The following ADCY10 variants were observed in gnomAD, a reference collection of about 807,000 sequenced individuals.
The protein encoded by ADCY10 is adenylate cyclase 10.
In ADCY10, 156 loss-of-function variants were observed where a neutral mutation model predicts 183.3. The ratio of observed to expected loss-of-function variants is 0.85; its 90% CI spans 0.75 to 0.97. ADCY10 has a LOEUF of 0.97. Among genes scored for constraint, ADCY10 ranks in the 50% least tolerant of loss-of-function variants. ADCY10 has a pLI of 0.00. For missense variants in ADCY10, 1,745 were observed against 1,934.3 expected, an observed-to-expected ratio of 0.90 and a Z score of 1.84; for synonymous variants, 645 against 670.0, an observed-to-expected ratio of 0.96 and a Z score of 0.58.
chr1:167,831,632 C>T (rs1663744334), intron 25 of ADCY10, among the ~76,000 whole-genome samples: 1 of 152,168 alleles, frequency 6.6e-6, no homozygotes, highest in Non-Finnish European at 1.5e-5. Context: ...TCAGTTTTTT[C>T]TTCTTCAACA....
At chr1:167,833,256 A>G (rs1423955469) in intron 24 of ADCY10, 94 bp from the exon 25 acceptor site, 1 of 1,238,762 alleles carries the variant, frequency 8.1e-7, no homozygotes, top group African/African-American at 1.5e-5. Context: ...GGGGATTCTT[A>G]TCAAAAAAGG....
intron 11 of ADCY10, among the ~76,000 whole-genome samples, chr1:167,879,162 G>C (rs895806401): frequency 1.3e-5 from 2 of 152,214 alleles, no homozygotes; most frequent in Non-Finnish European, 2.9e-5. Context: ...TTGAACACCA[G>C]CTCTACCCCT....
intron 14 of ADCY10, among the ~76,000 whole-genome samples, chr1:167,866,431 C>CA (rs139277401): frequency 0.041 from 6,047 of 147,018 alleles, 402 homozygotes; most frequent in East Asian, 0.28. Context: ...ATATCTATTA[C>CA]AAACAACAGC....
At chr1:167,823,495 G>A (rs962701754) in intron 28 of ADCY10, among the ~76,000 whole-genome samples, 18 of 151,338 alleles carry the variant, frequency 1.2e-4, no homozygotes, top group Non-Finnish European at 2.2e-4. Flanking sequence ...GAGGAGGGAA[G>A]TGAGGAATAA....
chr1:167,852,866 G>A (rs1219801491), intron 18 of ADCY10, among the ~76,000 whole-genome samples: 3 of 152,166 alleles, frequency 2.0e-5, no homozygotes, highest in Admixed American at 6.5e-5. Flanking sequence ...GGGGCCACAT[G>A]GTCCTGTAGT....
At chr1:167,851,012 T>G (rs1170352518) in intron 18 of ADCY10, among the ~76,000 whole-genome samples, 4 of 152,186 alleles carry the variant, frequency 2.6e-5, no homozygotes, top group African/African-American at 9.7e-5. Context: ...CAGAATGTAC[T>G]CCCTACTCAG....
intron 16 of ADCY10, among the ~76,000 whole-genome samples, chr1:167,859,389 T>A (rs942322435): frequency 1.3e-5 from 2 of 152,188 alleles, no homozygotes; most frequent in Non-Finnish European, 2.9e-5. Context: ...CGTACTATTA[T>A]TTTCCTCCAT....
Position 167,880,198 on chromosome 1 carries a change from C to T in ADCY10, c.1140-7G>A. Reference sequence around the variant, plus strand: ...AACACCGATGGATACAGTTCTGGTGCAGGGGAGACAAGATTTGTGGGGAAA... The same window carrying T: ...AACACCGATGGATACAGTTCTGGTGTAGGGGAGACAAGATTTGTGGGGAAA... On this transcript the variant is annotated splice_polypyrimidine_tract_variant and splice_region_variant and intron_variant, in intron 10 of 32. Transcript: ENST00000367851. 1 of 1,610,358 alleles carries T rather than the reference C, an allele frequency of 6.2e-7. No homozygotes were observed.
intron 9 of ADCY10, among the ~76,000 whole-genome samples, chr1:167,880,894 C>G (rs1667829355): frequency 6.6e-6 from 1 of 152,168 alleles, no homozygotes; most frequent in African/African-American, 2.4e-5. Flanking sequence ...GGCCAAGGTC[C>G]ATGCTGCAAA....
intron 6 of ADCY10, among the ~76,000 whole-genome samples, chr1:167,898,464 G>A (rs774935709): frequency 1.3e-5 from 2 of 152,082 alleles, no homozygotes; most frequent in Non-Finnish European, 2.9e-5. Flanking sequence ...GCTGGGCGTG[G>A]TAGCGGGCAC....
chr1:167,838,141 AAG>A (rs1394651117), intron 21 of ADCY10, among the ~76,000 whole-genome samples: 1 of 152,214 alleles, frequency 6.6e-6, no homozygotes, highest in Non-Finnish European at 1.5e-5. Flanking sequence ...TTGAACATCT[AAG>A]AAGTTACCAC....
In ADCY10 at chr1:167,836,459, G is replaced by C; in HGVS notation, c.3159C>G (p.Ile1053Met). 1 of 1,614,086 alleles carries C rather than the reference G, an allele frequency of 6.2e-7. No homozygotes were observed. The highest frequency in any genetic ancestry group is 8.5e-7 in the Non-Finnish European group (1 of 1,179,940). The change falls in exon 23 of 33, where the codon ATC becomes ATG. Residue 1053 changes from isoleucine to methionine, a missense_variant. Coordinates refer to ENST00000367851, the MANE Select transcript of ADCY10 (RefSeq NM_018417.6). ...TKMKTSDEDI[I>M]PLESCQCEEI... Reference sequence around the variant, plus strand: ...CTTCACACTGGCAAGATTCCAGAGGGATAATGTCTTCGTCAGATGTCTTCA... The same window carrying C: ...CTTCACACTGGCAAGATTCCAGAGGCATAATGTCTTCGTCAGATGTCTTCA...
intron 16 of ADCY10, among the ~76,000 whole-genome samples, chr1:167,857,421 T>C (rs1005756402): frequency 6.6e-6 from 1 of 152,240 alleles, no homozygotes; most frequent in Non-Finnish European, 1.5e-5. Flanking sequence ...AGGTAAGCAC[T>C]ACATTGTTTT....
chr1:167,880,637 G>A (rs1667811682), intron 9 of ADCY10, 28 bp from the exon 10 acceptor site: 1 of 1,522,074 alleles, frequency 6.6e-7, no homozygotes, highest in Non-Finnish European at 9.1e-7. Flanking sequence ...AGCAACCACA[G>A]CTGATGGACA....
intron 21 of ADCY10, among the ~76,000 whole-genome samples, chr1:167,843,552 C>A (rs1664804344): frequency 6.6e-6 from 1 of 151,972 alleles, no homozygotes. Flanking sequence ...CCAGTCTGTC[C>A]CCCTTATCCC....
At position 167,827,361 on chromosome 1, in the gene ADCY10, G is replaced by T. The variant is rs533543420; in HGVS notation, c.3750+1906C>A. Among the ~76,000 whole-genome samples, 229 of 134,820 alleles carry T rather than the reference G, an allele frequency of 1.7e-3. 4 individuals carry two copies. In the East Asian group the frequency reaches 0.019, roughly 11 times the overall value. 88.4% of individuals were successfully genotyped at this position (134,820 alleles called of 152,430 possible). Reference sequence around the variant, plus strand: ...TTTTTTTTTTTTTTTTGTATTTTCAGTAGAGACAGGGTTTCACCGTGGTCT... The same window carrying T: ...TTTTTTTTTTTTTTTTGTATTTTCATTAGAGACAGGGTTTCACCGTGGTCT... On this transcript the variant is annotated intron_variant, in intron 26 of 32. Transcript: ENST00000367851.
intron 17 of ADCY10, 62 bp from the exon 18 acceptor site, chr1:167,854,551 T>C (rs1039330611): frequency 7.0e-6 from 11 of 1,573,230 alleles, no homozygotes; most frequent in Non-Finnish European, 8.7e-6. Flanking sequence ...AGGAAAAATA[T>C]GTAAGTCTTC....
chr1:167,813,838 A>C (rs1253237690), intron 31 of ADCY10, among the ~76,000 whole-genome samples: 1 of 152,174 alleles, frequency 6.6e-6, no homozygotes, highest in East Asian at 1.9e-4. Context: ...TATAATGTAC[A>C]AAAATGTAAT....
chr1:167,910,215 T>C (rs1378962116), intron 1 of ADCY10, among the ~76,000 whole-genome samples: 1 of 152,242 alleles, frequency 6.6e-6, no homozygotes, highest in African/African-American at 2.4e-5. Context: ...GTTTCCTTGT[T>C]GGTACTAAGG....
Sources: gnomAD v4.1 joint callset for allele counts (sites outside exome capture counted in the v4.1 genomes callset) on GRCh38, gnomAD v4.1.1 for gene constraint, MANE v1.5 for transcripts, NCBI Gene and HGNC (gene_info 2026-07-23, HGNC 2026-07-21) for gene names.